SMC5: variants seen among roughly 807,000 people sequenced by gnomAD.
SMC5 encodes the protein structural maintenance of chromosomes protein 5.
SMC5 carries 88 observed loss-of-function variants against 148.3 expected under a neutral mutation model. The observed-to-expected ratio is 0.59, with a 90% CI of 0.50 to 0.71. The LOEUF (loss-of-function observed/expected upper bound fraction) is 0.71, where lower values mean the gene tolerates loss of function less well. SMC5 is among the 30% of genes least tolerant of loss of function. The pLI is 0.00. For missense variants in SMC5, 1,142 were observed against 1,298.9 expected, an observed-to-expected ratio of 0.88 and a Z score of 1.86; for synonymous variants, 421 against 432.8, an observed-to-expected ratio of 0.97 and a Z score of 0.34.
intron 8 of SMC5, among the ~76,000 whole-genome samples, chr9:70,292,764 T>C (rs932883572): frequency 6.6e-6 from 1 of 152,150 alleles, no homozygotes; most frequent in Non-Finnish European, 1.5e-5. Context: ...TTGATATAAT[T>C]GTGTAAGTTT....
At chr9:70,294,777 GA>G (rs2035151076) in intron 8 of SMC5, among the ~76,000 whole-genome samples, 1 of 152,146 alleles carries the variant, frequency 6.6e-6, no homozygotes, top group Non-Finnish European at 1.5e-5. Flanking sequence ...AAAGATGATT[GA>G]AGTTGAAGAA....
chr9:70,317,535 A>G (rs1447194757), intron 13 of SMC5, among the ~76,000 whole-genome samples: 1 of 152,094 alleles, frequency 6.6e-6, no homozygotes, highest in African/African-American at 2.4e-5. Flanking sequence ...CTGTTGACCT[A>G]GTGTGCTTAA....
At chr9:70,307,014 T>G (rs2035519641) in intron 11 of SMC5, among the ~76,000 whole-genome samples, 1 of 152,220 alleles carries the variant, frequency 6.6e-6, no homozygotes, top group African/African-American at 2.4e-5. Context: ...ACCTATAGTA[T>G]TATTTCTTGT....
At position 70,318,938 on chromosome 9, in the gene SMC5, C is replaced by CA; in HGVS notation, c.2131dup (p.Ile711AsnfsTer19). 2 of 1,607,308 alleles carry CA rather than the reference C, an allele frequency of 1.2e-6. No individual in the cohort carries two copies. The highest frequency in any genetic ancestry group is 1.7e-6 in the Non-Finnish European group (2 of 1,177,838). Reference sequence around the variant, plus strand: ...AAAAACCAAGAAAAGACAACTGGAACAAAAAATCAGTTCCAAACTAGGAAG... The same window carrying CA: ...AAAAACCAAGAAAAGACAACTGGAACAAAAAAATCAGTTCCAAACTAGGAAG... On this transcript the variant is annotated frameshift_variant, in exon 15 of 25. Coordinates refer to ENST00000361138, the MANE Select transcript of SMC5 (RefSeq NM_015110.4). LOFTEE classifies it high-confidence loss of function.
intron 11 of SMC5, among the ~76,000 whole-genome samples, chr9:70,313,495 G>GTT (rs956021594): frequency 7.3e-5 from 11 of 151,408 alleles, no homozygotes; most frequent in African/African-American, 2.7e-4. Flanking sequence ...TTTTTGTTTT[G>GTT]TTTTGTTTTT....
At position 70,326,858 on chromosome 9, in the gene SMC5, C is replaced by CA. The variant is rs536378476; in HGVS notation, c.2397+2724dup. ...TAAAACACTGTAATGATTCTAAGGGCAAAAAAAAATTGCAAAAAAAATCAT... is the reference window on the plus strand; with the variant it reads ...TAAAACACTGTAATGATTCTAAGGGCAAAAAAAAAATTGCAAAAAAAATCAT... On this transcript the variant is annotated intron_variant, in intron 17 of 24. Coordinates refer to ENST00000361138, the MANE Select transcript of SMC5 (RefSeq NM_015110.4). Among the ~76,000 whole-genome samples, 661 of 146,136 alleles carry CA rather than the reference C, an allele frequency of 4.5e-3. 1 individual carries two copies. The highest frequency in any genetic ancestry group is 5.9e-3 in the Non-Finnish European group (393 of 66,298).
chr9:70,335,042 A>G (rs1375096347), intron 17 of SMC5, among the ~76,000 whole-genome samples: 1 of 152,262 alleles, frequency 6.6e-6, no homozygotes, highest in African/African-American at 2.4e-5. Flanking sequence ...TGGAACTGTC[A>G]TACGCCACTG....
Position 70,259,256 on chromosome 9 carries a change from A to G in SMC5, c.178A>G (p.Asn60Asp). 1 of 1,582,356 alleles carries G rather than the reference A, an allele frequency of 6.3e-7. No homozygotes were observed. The highest frequency in any genetic ancestry group is 8.6e-7 in the Non-Finnish European group (1 of 1,163,346). The part of the protein sequence containing the change: ...EGSIVRISME[N>D]FLTYDICEVS... ...CTCTATCGTCCGCATCTCGATGGAG[A>G]ACTTCCTGTAAGTTGCCCGGAGGCC... Residue 60 changes from asparagine (N) to aspartate (D), a missense_variant, in exon 1 of 25, where the codon AAC (asparagine) becomes GAC (aspartate). Around this residue, in one of 5 missense-constraint regions of SMC5, gnomAD observed 297 missense variants for 302.6 expected, o/e 0.98. Transcript: ENST00000361138.
rs148290915 is a variant in SMC5 at position 70,274,996 on chromosome 9, C to A, written c.381-2314C>A. Among the ~76,000 whole-genome samples the A allele has an allele frequency of 4.0e-4, 60 of 151,722 alleles. 1 individual carries two copies. Among genetic ancestry groups the A allele is most frequent in the African/African-American group, 1.4e-3 (57 of 41,366 alleles). Reference sequence around the variant, plus strand: ...GATATTTCTGTTTTGCTTTTCATTCCTTCTTCTATTTCTGATTTTCTCTCT... The same window carrying A: ...GATATTTCTGTTTTGCTTTTCATTCATTCTTCTATTTCTGATTTTCTCTCT... On this transcript the variant is annotated intron_variant, in intron 3 of 24. Coordinates refer to ENST00000361138, the MANE Select transcript of SMC5 (RefSeq NM_015110.4).
chr9:70,294,218 A>T (rs2035138055), intron 8 of SMC5, among the ~76,000 whole-genome samples: 1 of 152,210 alleles, frequency 6.6e-6, no homozygotes, highest in Non-Finnish European at 1.5e-5. Context: ...GCAATAAAGG[A>T]TTGAATGAGC....
At position 70,350,133 on chromosome 9, in the gene SMC5, G is replaced by A; in HGVS notation, c.2909G>A (p.Gly970Glu). The change falls in exon 23 of 25, where the codon GGA (glycine) becomes GAA (glutamate). Residue 970 changes from glycine (G) to glutamate (E), a missense_variant. Coordinates refer to ENST00000361138, the MANE Select transcript of SMC5 (RefSeq NM_015110.4). ...TENEEDYDKY[G>E]IRIRVKFRSS... ...TTATAGGAAGATTATGATAAATATG[G>A]AATTCGAATTAGAGTCAAATTTCGA... 1 of 1,604,748 alleles carries A rather than the reference G, an allele frequency of 6.2e-7. No individual in the cohort carries two copies. Among genetic ancestry groups the A allele is most frequent in the Non-Finnish European group, 8.5e-7 (1 of 1,175,748 alleles).
rs748688987 is a variant in SMC5, at chr9:70,344,246, ACTCTTC to A, written c.2504_2509del (p.Leu835_Pro836del). On this transcript the variant is annotated inframe_deletion, in exon 18 of 25. Coordinates refer to ENST00000361138, the MANE Select transcript of SMC5 (RefSeq NM_015110.4). ...AGTATGTAACCTGGGTGCAGAGCAG[ACTCTTC>A]CTCAAGAATACCAGACAGTAAGTAT... 6.8e-7 allele frequency: 1 copy of A among 1,477,210 alleles called. No homozygotes were observed. Among genetic ancestry groups the A allele is most frequent in the Non-Finnish European group, 9.0e-7 (1 of 1,110,040 alleles). The allele number at this position is 1,477,210 out of a possible 1,614,324, so 91.5% of individuals were successfully genotyped here. A position where few individuals can be genotyped will look rare whatever the true frequency, so the allele number is the denominator to read the frequency against.
intron 8 of SMC5, among the ~76,000 whole-genome samples, chr9:70,290,819 G>C (rs1024277777): frequency 6.6e-6 from 1 of 152,196 alleles, no homozygotes; most frequent in Non-Finnish European, 1.5e-5. Flanking sequence ...ATCTGACTGA[G>C]TTTCAATGTG....
At chr9:70,260,504 A>G (rs1009531381) in intron 1 of SMC5, among the ~76,000 whole-genome samples, 1 of 152,008 alleles carries the variant, frequency 6.6e-6, no homozygotes, top group African/African-American at 2.4e-5. Context: ...TGTGCCAGGT[A>G]CATAGTGCAC....
At chr9:70,281,414 T>C (rs1426280199) in intron 6 of SMC5, among the ~76,000 whole-genome samples, 1 of 152,224 alleles carries the variant, frequency 6.6e-6, no homozygotes, top group Non-Finnish European at 1.5e-5. Context: ...CACAGTGCTC[T>C]TAATTCTTCC....
intron 10 of SMC5, 90 bp downstream of exon 10, chr9:70,300,290 T>G: frequency 8.4e-7 from 1 of 1,187,042 alleles, no homozygotes; most frequent in South Asian, 1.5e-5. Context: ...AATATTACCC[T>G]GGTTTTACAT....
intron 17 of SMC5, among the ~76,000 whole-genome samples, chr9:70,326,156 AAC>A (rs1404161353): frequency 5.9e-5 from 9 of 152,188 alleles, no homozygotes; most frequent in South Asian, 2.1e-4. Context: ...AGTAAATTCC[AAC>A]ACTGTGCAGA....
intron 1 of SMC5, among the ~76,000 whole-genome samples, chr9:70,262,621 A>C (rs960306283): frequency 6.6e-6 from 1 of 152,232 alleles, no homozygotes. Context: ...TAAGTTTAAG[A>C]TGACTGTTAT....
chr9:70,347,631 A>G lies in SMC5; in HGVS notation c.2683A>G (p.Lys895Glu). The G allele has an allele frequency of 6.4e-7, 1 of 1,572,694 alleles. No homozygotes were observed. Among genetic ancestry groups the G allele is most frequent in the Non-Finnish European group, 8.6e-7 (1 of 1,163,228 alleles). The change falls in exon 21 of 25, where the codon AAA becomes GAA. Residue 895 changes from lysine (K) to glutamate (E), a missense_variant. Physicochemically the swap from Lys to Glu is moderately conservative, Grantham distance 56. This residue lies in a region of SMC5 where 743 missense variants were observed against 835.7 expected (regional missense o/e 0.89). Coordinates refer to ENST00000361138, the MANE Select transcript of SMC5 (RefSeq NM_015110.4). ...LNPTIVQEYT[K>E]REEEIEQLTE... ...CTGCCAGATTGTTCAGGAATATACA[A>G]AAAGAGAAGAAGAAATAGAACAGTT...
Sources: allele counts gnomAD v4.1 joint callset (sites outside exome capture counted in the v4.1 genomes callset), GRCh38; gene constraint gnomAD v4.1.1; regional missense constraint gnomAD v4.1.1; transcripts MANE v1.5; gene names NCBI Gene and HGNC (gene_info 2026-07-23, HGNC 2026-07-21).